Variants in UBAP2 observed in about 807,000 individuals in gnomAD.
The protein encoded by UBAP2 is ubiquitin-associated protein 2.
A neutral mutation model predicts 139.6 loss-of-function variants in UBAP2; 75 were observed. The ratio of observed to expected loss-of-function variants is 0.54; its 90% CI spans 0.45 to 0.65. The LOEUF (loss-of-function observed/expected upper bound fraction) is 0.65. Ranked by LOEUF, UBAP2 falls within the 30% of genes least tolerant of loss-of-function variation. UBAP2 has a pLI of 0.00. For synonymous variants in UBAP2, 526 were observed against 526.2 expected (o/e 1.00, Z 0.01); for missense variants, 1,368 against 1,369.6 (o/e 1.00, Z 0.02).
intron 6 of UBAP2, among the ~76,000 whole-genome samples, chr9:33,974,285 A>G (rs1349322620): frequency 6.6e-6 from 1 of 152,036 alleles, no homozygotes; most frequent in Non-Finnish European, 1.5e-5. Context: ...AGGCAGTTGG[A>G]CTGCTTCAGC....
chr9:34,047,319 G>A (rs1001946337), intron 1 of UBAP2, among the ~76,000 whole-genome samples: 3 of 152,176 alleles, frequency 2.0e-5, no homozygotes, highest in Non-Finnish European at 4.4e-5. Flanking sequence ...CTAATGATAA[G>A]AGAAGCCTTC....
chr9:33,961,255 A>G (rs1400061515), intron 9 of UBAP2, among the ~76,000 whole-genome samples: 3 of 152,216 alleles, frequency 2.0e-5, no homozygotes, highest in Non-Finnish European at 4.4e-5. Context: ...TTCTTCCGAT[A>G]TAGTCTTCAA....
chr9:34,045,608 G>A (rs977619987), intron 1 of UBAP2, among the ~76,000 whole-genome samples: 1 of 151,930 alleles, frequency 6.6e-6, no homozygotes, highest in Non-Finnish European at 1.5e-5. Context: ...TCCCGACCTC[G>A]TGACCCGCCC....
chr9:33,924,326 T>G, intron 22 of UBAP2, 42 bp from the exon 23 acceptor site: 1 of 1,588,578 alleles, frequency 6.3e-7, no homozygotes, highest in Non-Finnish European at 8.6e-7. Flanking sequence ...CTGGCCCTGC[T>G]TGACTCCCAG....
Position 33,928,065 on chromosome 9 carries a change from C to T in UBAP2, c.2176-73G>A, listed in dbSNP as rs529028371. 4.8e-5 allele frequency: 71 copies of T among 1,476,174 alleles called. 1 individual carries two copies. The African/African-American group carries it at 6.7e-4, about 14-fold the overall frequency. 91.4% of individuals were successfully genotyped at this position (1,476,174 alleles called of 1,614,324 possible). ...GGGTGCTGGGGAGAGCCTGGCCTGG[C>T]GCTTGGGCCCAAGTCTCAAGGCTGA... On this transcript the variant is annotated intron_variant, in intron 19 of 28. Coordinates refer to ENST00000379238, the MANE Select transcript of UBAP2 (RefSeq NM_001370062.2).
chr9:34,015,567 T>C (rs1824177581), intron 2 of UBAP2, among the ~76,000 whole-genome samples: 1 of 152,080 alleles, frequency 6.6e-6, no homozygotes, highest in African/African-American at 2.4e-5. Flanking sequence ...TCTCAGGTGA[T>C]CTGTCCACCT....
At chr9:33,973,296 T>C (rs1269709321) in intron 6 of UBAP2, 59 bp from the exon 7 acceptor site, 5 of 1,546,408 alleles carry the variant, frequency 3.2e-6, no homozygotes, top group Non-Finnish European at 4.5e-6. Flanking sequence ...ACAATTACAC[T>C]TCCTTCTTCA....
intron 2 of UBAP2, among the ~76,000 whole-genome samples, chr9:34,004,970 T>A (rs1006606240): frequency 6.7e-6 from 1 of 150,326 alleles, no homozygotes; most frequent in Non-Finnish European, 1.5e-5. Context: ...TTAAATCCCA[T>A]TGAAAACAAC....
chr9:33,941,803 G>C lies in UBAP2; in HGVS notation c.1775C>G (p.Thr592Ser). 6.2e-7 allele frequency: 1 copy of C among 1,613,900 alleles called. No individual in the cohort carries two copies. Among genetic ancestry groups the C allele is most frequent in the Non-Finnish European group, 8.5e-7 (1 of 1,179,942 alleles). The change falls in exon 16 of 29, where the codon ACT (threonine) becomes AGT (serine). Residue 592 changes from threonine (T) to serine (S), a missense_variant. Physicochemically the swap from Thr to Ser is moderately conservative, Grantham distance 58. Transcript: ENST00000379238. Reference sequence around the variant, plus strand: ...CAGACTGCAGGAGGTAATGACGGAAGTTGTATATGTGGAGTTCTGTACTGC... The same window carrying C: ...CAGACTGCAGGAGGTAATGACGGAACTTGTATATGTGGAGTTCTGTACTGC... ...TSAVQNSTYTTSVITSCSLTS... is the reference protein window; with the variant it reads ...TSAVQNSTYTSSVITSCSLTS...
chr9:33,963,669 T>C (rs1028423310), intron 9 of UBAP2, 57 bp downstream of exon 9: 5 of 1,067,110 alleles, frequency 4.7e-6, no homozygotes, highest in African/African-American at 3.2e-5. Flanking sequence ...ATGAAAGATA[T>C]TGCAAGCAAT....
chr9:34,011,196 TTA>T (rs1170466137), intron 2 of UBAP2, among the ~76,000 whole-genome samples: 2 of 152,210 alleles, frequency 1.3e-5, no homozygotes, highest in East Asian at 3.8e-4. Flanking sequence ...AGTCTGGGGC[TTA>T]TATATGTTTC....
At chr9:34,016,140 A>C (rs1824235554) in intron 2 of UBAP2, among the ~76,000 whole-genome samples, 2 of 151,530 alleles carry the variant, frequency 1.3e-5, no homozygotes, top group Middle Eastern at 3.4e-3. Flanking sequence ...GAGGAAGGGA[A>C]GCAGAGCAAG....
chr9:33,926,486 A>T, intron 22 of UBAP2, 131 bp downstream of exon 22: 1 of 975,784 alleles, frequency 1.0e-6, no homozygotes, highest in Non-Finnish European at 1.6e-6. Flanking sequence ...CAGCTTTCTC[A>T]GTAGTGGTGC....
intron 1 of UBAP2, among the ~76,000 whole-genome samples, chr9:34,037,020 G>A (rs189617481): frequency 2.6e-4 from 31 of 120,752 alleles, no homozygotes; most frequent in African/African-American, 1.0e-3. Flanking sequence ...AGAGAGTCTC[G>A]CTCTATCACC....
At chr9:34,037,604 G>A (rs1167777183) in intron 1 of UBAP2, among the ~76,000 whole-genome samples, 1 of 152,172 alleles carries the variant, frequency 6.6e-6, no homozygotes, top group Non-Finnish European at 1.5e-5. Context: ...CAATAAATTA[G>A]CAATTTACTT....
chr9:33,986,787 C>G lies in UBAP2; in HGVS notation c.493G>C (p.Asp165His), dbSNP rs1485422204. Residue 165 changes from aspartate to histidine, a missense_variant, in exon 6 of 29, where the codon GAT becomes CAT. Coordinates refer to ENST00000379238, the MANE Select transcript of UBAP2 (RefSeq NM_001370062.2). The part of the protein sequence containing the change: ...IDCNQVDKPS[D>H]RGKRARGRGF... ...CTACCCCGGGCTCGCTTGCCACGAT[C>G]TGAAGGTTTGTCCACTTGATTGCAA... is the stretch of plus-strand genomic sequence containing the variant. The G allele has an allele frequency of 6.2e-7, 1 of 1,614,152 alleles. No individual in the cohort carries two copies.
chr9:34,025,577 A>C (rs866084250), intron 1 of UBAP2, among the ~76,000 whole-genome samples: 1 of 152,214 alleles, frequency 6.6e-6, no homozygotes, highest in African/African-American at 2.4e-5. Context: ...AGCAAAATAT[A>C]ATATAAAGCT....
At chr9:34,020,150 TAAAAAA>T (rs1174976366) in intron 1 of UBAP2, among the ~76,000 whole-genome samples, 1 of 127,078 alleles carries the variant, frequency 7.9e-6, no homozygotes, top group South Asian at 2.6e-4. Context: ...ACTCCATTAT[TAAAAAA>T]AAAAAAAAAA....
chr9:34,035,289 G>A (rs1448933727), intron 1 of UBAP2, among the ~76,000 whole-genome samples: 2 of 151,370 alleles, frequency 1.3e-5, no homozygotes, highest in Non-Finnish European at 2.9e-5. Flanking sequence ...GATCACCTGA[G>A]GTCAGGAGTT....
Sources: allele counts gnomAD v4.1 joint callset (sites outside exome capture counted in the v4.1 genomes callset), GRCh38; gene constraint gnomAD v4.1.1; transcripts MANE v1.5; gene names NCBI Gene and HGNC (gene_info 2026-07-23, HGNC 2026-07-21).